The following CCL28 variants were observed in gnomAD, a reference collection of about 807,000 sequenced individuals.
CCL28 encodes C-C motif chemokine ligand 28.
A neutral mutation model predicts 7.1 loss-of-function variants in CCL28; 4 were observed. The observed-to-expected ratio is 0.56, with a 90% CI of 0.28 to 1.29. CCL28 has a LOEUF of 1.29. CCL28 is among the 50% of genes most tolerant of loss of function. The pLI is 0.11. For missense variants in CCL28, 151 were observed against 163.4 expected (o/e 0.92, Z 0.41); for synonymous variants, 55 against 57.8 (o/e 0.95, Z 0.22).
chr5:43,374,129 G>T (rs538539852), downstream of CCL28, among the ~76,000 whole-genome samples: 1 of 152,292 alleles, frequency 6.6e-6, no homozygotes, highest in East Asian at 1.9e-4. Flanking sequence ...CATTGTAATT[G>T]AGCAAATAAG....
downstream of CCL28, chr5:43,377,408 C>CT (rs1739920586): frequency 1.3e-5 from 2 of 148,506 alleles, no homozygotes; most frequent in South Asian, 4.2e-4. Flanking sequence ...ACGAGAATCC[C>CT]TTGAACCCGT....
At chr5:43,359,298 G>A in the CCL28 span, among the ~76,000 whole-genome samples, 12 of 152,096 alleles carry the variant, frequency 7.9e-5, no homozygotes, top group African/African-American at 2.7e-4. Context: ...AGCAAGCCAG[G>A]GATAAGTATT....
At chr5:43,371,237 C>G in the CCL28 span, among the ~76,000 whole-genome samples, 3 of 152,188 alleles carry the variant, frequency 2.0e-5, no homozygotes, top group Admixed American at 2.0e-4. Context: ...ACCTTCTCCC[C>G]AGAGTAACCA....
chr5:43,408,503 C>T (rs1052569192), intron 1 of CCL28, among the ~76,000 whole-genome samples: 4 of 151,896 alleles, frequency 2.6e-5, no homozygotes, highest in Admixed American at 2.0e-4. Context: ...GTGGGGGGAG[C>T]GGGGAGGGAT....
Position 43,381,702 on chromosome 5 carries a change from G to T in CCL28, c.*158C>A. The T allele has an allele frequency of 3.2e-6, 2 of 621,026 alleles. No homozygotes were observed. Among genetic ancestry groups the T allele is most frequent in the East Asian group, 2.7e-5 (1 of 36,726 alleles). The allele number at this position is 621,026 out of a possible 1,614,324, so 38.5% of individuals were successfully genotyped here. On this transcript the variant is annotated 3_prime_UTR_variant, in exon 3 of 3. Transcript: ENST00000361115. ...TCATTTTCCAGTTGAGTATATTATT[G>T]GCTACATTTGCATACCGCACAATTG...
intron 2 of CCL28, among the ~76,000 whole-genome samples, chr5:43,383,715 A>C (rs1367556298): frequency 6.6e-6 from 1 of 152,196 alleles, no homozygotes; most frequent in Non-Finnish European, 1.5e-5. Flanking sequence ...CTGGCACTGA[A>C]GCTCCTACCC....
the CCL28 span, among the ~76,000 whole-genome samples, chr5:43,359,829 C>A: frequency 1.3e-5 from 2 of 152,040 alleles, no homozygotes; most frequent in Non-Finnish European, 2.9e-5. Context: ...AATGACACCC[C>A]CCAGGCCTGT....
chr5:43,359,171 C>A, the CCL28 span, among the ~76,000 whole-genome samples: 2 of 152,090 alleles, frequency 1.3e-5, no homozygotes, highest in African/African-American at 4.8e-5. Flanking sequence ...CCTAACCCAG[C>A]GGTGCTAGAA....
At chr5:43,400,762 G>T (rs532159878) in intron 1 of CCL28, among the ~76,000 whole-genome samples, 23 of 152,278 alleles carry the variant, frequency 1.5e-4, no homozygotes, top group African/African-American at 5.5e-4. Flanking sequence ...TCACTTAGCT[G>T]CTAGCAGTGT....
In CCL28 at chr5:43,408,493, G is replaced by C. The variant is rs140145847; in HGVS notation, c.64+3760C>G. ...ATCACACACCAGGGCCTGTCGTAAG[G>C]TGGGGGGAGCGGGGAGGGATAGCGT... On this transcript the variant is annotated intron_variant, in intron 1 of 2. Transcript: ENST00000361115. Among the ~76,000 whole-genome samples the C allele has an allele frequency of 3.3e-5, 5 of 152,334 alleles. No individual in the cohort carries two copies. In the East Asian group the frequency reaches 9.6e-4, roughly 29 times the overall value.
chr5:43,406,898 CA>C (rs1741304283), intron 1 of CCL28, among the ~76,000 whole-genome samples: 1 of 152,156 alleles, frequency 6.6e-6, no homozygotes. Flanking sequence ...ACAATTGCCT[CA>C]AAGAGAACAA....
chr5:43,373,852 G>GT (rs1222883423), downstream of CCL28, among the ~76,000 whole-genome samples: 3 of 152,172 alleles, frequency 2.0e-5, no homozygotes, highest in Non-Finnish European at 4.4e-5. Flanking sequence ...TGCAAAGAAG[G>GT]TTTTTTAACA....
In CCL28 at chr5:43,412,250, C is replaced by G; in HGVS notation, c.64+3G>C. ...GGCCTAAGTGTCCAGTGCCCCCACTCACCTTCTGAGGCATGTAGGGCCGCA... is the reference window on the plus strand; with the variant it reads ...GGCCTAAGTGTCCAGTGCCCCCACTGACCTTCTGAGGCATGTAGGGCCGCA... On this transcript the variant is annotated splice_donor_region_variant and intron_variant, in intron 1 of 2. Coordinates refer to ENST00000361115, the MANE Select transcript of CCL28 (RefSeq NM_148672.3). The G allele has an allele frequency of 2.5e-6, 4 of 1,610,710 alleles. No individual in the cohort carries two copies. The highest frequency in any genetic ancestry group is 3.4e-6 in the Non-Finnish European group (4 of 1,178,058).
At chr5:43,403,502 C>T (rs1442655735) in intron 1 of CCL28, among the ~76,000 whole-genome samples, 1 of 152,128 alleles carries the variant, frequency 6.6e-6, no homozygotes, top group Non-Finnish European at 1.5e-5. Flanking sequence ...CACCAAAACC[C>T]CATCTGTACG....
rs192294670 is a variant in CCL28, at chr5:43,392,178, G to A, written c.65-3702C>T. On this transcript the variant is annotated intron_variant, in intron 1 of 2. Transcript: ENST00000361115. ...GTCACCAAGGCTGGAGTGCAGTGGC[G>A]CGATCTCGGCTCATTGCAACCTCCG... Among the ~76,000 whole-genome samples the A allele has an allele frequency of 4.8e-3, 725 of 152,212 alleles. 9 individuals are homozygous for A. Among genetic ancestry groups the A allele is most frequent in the African/African-American group, 0.015 (614 of 41,514 alleles).
chr5:43,405,709 C>G (rs1024228422), intron 1 of CCL28, among the ~76,000 whole-genome samples: 1 of 152,136 alleles, frequency 6.6e-6, no homozygotes, highest in African/African-American at 2.4e-5. Flanking sequence ...AATCCAGGAG[C>G]TGGTTTTTTG....
intron 1 of CCL28, among the ~76,000 whole-genome samples, chr5:43,411,782 T>C (rs1385649114): frequency 1.3e-5 from 2 of 152,244 alleles, no homozygotes; most frequent in Admixed American, 6.5e-5. Context: ...TCTGTATCCA[T>C]AGAGCTGACT....
At chr5:43,389,591 T>A (rs1740486367) in intron 1 of CCL28, among the ~76,000 whole-genome samples, 1 of 152,236 alleles carries the variant, frequency 6.6e-6, no homozygotes, top group Non-Finnish European at 1.5e-5. Context: ...AAAATCTGTG[T>A]GTTTAGGAAT....
intron 1 of CCL28, among the ~76,000 whole-genome samples, chr5:43,411,638 C>G (rs1741539096): frequency 6.6e-6 from 1 of 152,116 alleles, no homozygotes; most frequent in South Asian, 2.1e-4. Context: ...GTGATCATAG[C>G]TCACTGCAAT....
Sources: gnomAD v4.1 joint callset for allele counts (sites outside exome capture counted in the v4.1 genomes callset) on GRCh38, gnomAD v4.1.1 for gene constraint, MANE v1.5 for transcripts, NCBI Gene and HGNC (gene_info 2026-07-23, HGNC 2026-07-21) for gene names.